The following SETBP1 variants were observed in gnomAD, a reference collection of about 807,000 sequenced individuals.
SETBP1 encodes the protein SET-binding protein.
A neutral mutation model predicts 101.0 loss-of-function variants in SETBP1; 9 were observed. The observed-to-expected ratio is 0.09, with a 90% CI of 0.05 to 0.16. The LOEUF is 0.16. Ranked by LOEUF, SETBP1 falls within the 10% of genes least tolerant of loss-of-function variation. SETBP1 has a pLI of 1.00. For missense variants in SETBP1, 1,858 were observed against 2,033.8 expected (o/e 0.91, Z 1.66); for synonymous variants, 818 against 788.5 (o/e 1.04, Z -0.63).
intron 2 of SETBP1, among the ~76,000 whole-genome samples, chr18:44,863,097 T>C (rs1419189111): frequency 6.6e-6 from 1 of 152,212 alleles, no homozygotes; most frequent in African/African-American, 2.4e-5. Context: ...ACCTACCTTA[T>C]TTTCCAATTT....
intron 1 of SETBP1, among the ~76,000 whole-genome samples, chr18:44,697,903 G>T (rs1310541271): frequency 6.6e-6 from 1 of 152,136 alleles, no homozygotes; most frequent in Non-Finnish European, 1.5e-5. Flanking sequence ...AAACATTTGG[G>T]GAACACCAAT....
At chr18:44,740,621 C>G (rs942797609) in intron 2 of SETBP1, among the ~76,000 whole-genome samples, 1 of 152,166 alleles carries the variant, frequency 6.6e-6, no homozygotes, top group Non-Finnish European at 1.5e-5. Flanking sequence ...CTTTTCCATA[C>G]ATTTCTCGTG....
chr18:45,005,877 A>T (rs1261122887), intron 4 of SETBP1, among the ~76,000 whole-genome samples: 1 of 144,196 alleles, frequency 6.9e-6, no homozygotes, highest in African/African-American at 2.6e-5. Flanking sequence ...CAATCTCCTG[A>T]CCTCATGATC....
chr18:44,990,201 G>A (rs1599417769), intron 4 of SETBP1, among the ~76,000 whole-genome samples: 1 of 152,086 alleles, frequency 6.6e-6, no homozygotes, highest in Non-Finnish European at 1.5e-5. Flanking sequence ...AGCGTATACT[G>A]CAGAAAGACA....
At chr18:44,979,491 A>G (rs1465001953) in intron 4 of SETBP1, among the ~76,000 whole-genome samples, 1 of 152,242 alleles carries the variant, frequency 6.6e-6, no homozygotes, top group African/African-American at 2.4e-5. Context: ...ATTATCCTCC[A>G]TAAGTTCAAA....
intron 3 of SETBP1, among the ~76,000 whole-genome samples, chr18:44,878,665 G>A (rs1442816220): frequency 6.6e-6 from 1 of 152,068 alleles, no homozygotes; most frequent in African/African-American, 2.4e-5. Context: ...CTTCAGGATG[G>A]AAGAGGCCCA....
intron 3 of SETBP1, among the ~76,000 whole-genome samples, chr18:44,920,452 G>A (rs954924185): frequency 1.3e-5 from 2 of 152,120 alleles, no homozygotes; most frequent in African/African-American, 4.8e-5. Context: ...ATAAAAGAAT[G>A]TTTACTAGAG....
chr18:44,735,899 G>A (rs2069955112), intron 2 of SETBP1, among the ~76,000 whole-genome samples: 1 of 152,174 alleles, frequency 6.6e-6, no homozygotes, highest in Non-Finnish European at 1.5e-5. Flanking sequence ...AAACATCTGG[G>A]CAGTTTCAGC....
intron 2 of SETBP1, among the ~76,000 whole-genome samples, chr18:44,804,671 G>C (rs971448206): frequency 6.6e-6 from 1 of 152,036 alleles, no homozygotes; most frequent in South Asian, 2.1e-4. Context: ...TATGAGGAAG[G>C]CAAAAGCCCA....
intron 2 of SETBP1, among the ~76,000 whole-genome samples, chr18:44,842,835 C>T (rs576404931): frequency 6.6e-6 from 1 of 152,362 alleles, no homozygotes; most frequent in Admixed American, 6.5e-5. Context: ...GAGGAACCAA[C>T]TGTTACAGAT....
At chr18:44,873,823 C>T (rs2069334792) in intron 3 of SETBP1, among the ~76,000 whole-genome samples, 1 of 152,130 alleles carries the variant, frequency 6.6e-6, no homozygotes, top group Non-Finnish European at 1.5e-5. Context: ...CATACTTACA[C>T]AAAAGTTAGC....
chr18:44,701,982 G>T, intron 2 of SETBP1, 150 bp downstream of exon 2: 1 of 917,244 alleles, frequency 1.1e-6, no homozygotes, highest in African/African-American at 1.7e-5. Flanking sequence ...AAATCTGTGT[G>T]TAACTTTTGA....
intron 2 of SETBP1, among the ~76,000 whole-genome samples, chr18:44,738,405 A>G (rs949530309): frequency 6.6e-6 from 1 of 152,136 alleles, no homozygotes; most frequent in East Asian, 1.9e-4. Flanking sequence ...CATCACTTCC[A>G]TTTTACTCAA....
intron 3 of SETBP1, among the ~76,000 whole-genome samples, chr18:44,945,775 C>A (rs2071192458): frequency 6.6e-6 from 1 of 152,138 alleles, no homozygotes; most frequent in African/African-American, 2.4e-5. Flanking sequence ...AAGACAAAAA[C>A]AAACCCCAAA....
intron 3 of SETBP1, among the ~76,000 whole-genome samples, chr18:44,875,589 C>G (rs1218442485): frequency 2.0e-5 from 3 of 148,820 alleles, no homozygotes; most frequent in Non-Finnish European, 4.5e-5. Context: ...TTCCAGGGCA[C>G]TGAGCCTCGT....
intron 2 of SETBP1, among the ~76,000 whole-genome samples, chr18:44,826,011 C>T (rs1042713883): frequency 1.1e-4 from 16 of 152,136 alleles, no homozygotes; most frequent in African/African-American, 3.4e-4. Context: ...CATAAGCAAA[C>T]GACTTGCATA....
At chr18:44,938,958 A>ATGTG (rs111916615) in intron 3 of SETBP1, among the ~76,000 whole-genome samples, 55,223 of 147,130 alleles carry the variant, frequency 0.38, 10,276 homozygotes, top group African/African-American at 0.44. Context: ...GAGTGTGTGC[A>ATGTG]TGTGTGTGTG....
intron 4 of SETBP1, among the ~76,000 whole-genome samples, chr18:45,026,976 T>C (rs1211497443): frequency 2.0e-5 from 3 of 152,176 alleles, no homozygotes; most frequent in Admixed American, 1.3e-4. Context: ...GAATCTGATG[T>C]TGGAGATGCA....
intron 2 of SETBP1, among the ~76,000 whole-genome samples, chr18:44,706,949 G>A (rs1211759182): frequency 3.3e-5 from 5 of 152,190 alleles, no homozygotes; most frequent in Non-Finnish European, 4.4e-5. Context: ...AATTTACAGA[G>A]CAAACATCAT....
Sources: gnomAD v4.1 joint callset for allele counts (sites outside exome capture counted in the v4.1 genomes callset) on GRCh38, gnomAD v4.1.1 for gene constraint, MANE v1.5 for transcripts, NCBI Gene and HGNC (gene_info 2026-07-23, HGNC 2026-07-21) for gene names.